R3HDM1: variants seen among roughly 807,000 people sequenced by gnomAD.
R3HDM1 encodes R3H domain-containing protein 1.
R3HDM1 carries 46 observed loss-of-function variants against 141.1 expected under a neutral mutation model. The observed-to-expected ratio is 0.33, with a 90% confidence interval of 0.26 to 0.42. The LOEUF is 0.42. R3HDM1 is among the 10% of genes least tolerant of loss of function. The probability of loss-of-function intolerance (pLI) is 1.00; values close to 1 mark genes in which losing one functional copy is unlikely to be tolerated. For synonymous variants in R3HDM1, 435 were observed against 472.9 expected, an observed-to-expected ratio of 0.92 and a Z score of 1.04; for missense variants, 1,184 against 1,368.3, an observed-to-expected ratio of 0.87 and a Z score of 2.12.
chr2:135,582,723 A>T (rs1707099244), intron 1 of R3HDM1, among the ~76,000 whole-genome samples: 1 of 152,202 alleles, frequency 6.6e-6, no homozygotes. Context: ...ACTTCAAATT[A>T]CAGTACTGTA....
chr2:135,532,178 G>A (rs1333899892), intron 1 of R3HDM1, among the ~76,000 whole-genome samples: 2 of 152,372 alleles, frequency 1.3e-5, no homozygotes, highest in East Asian at 3.9e-4. Context: ...AGAATTTTCA[G>A]CTTCGACCGG....
intron 20 of R3HDM1, among the ~76,000 whole-genome samples, chr2:135,676,627 A>G (rs967641653): frequency 2.0e-5 from 3 of 152,174 alleles, no homozygotes; most frequent in Admixed American, 6.5e-5. Context: ...CCTGGCCAAC[A>G]TAGTGAAACC....
At chr2:135,610,966 C>T (rs2105137321) in intron 3 of R3HDM1, among the ~76,000 whole-genome samples, 1 of 151,912 alleles carries the variant, frequency 6.6e-6, no homozygotes, top group South Asian at 2.1e-4. Context: ...AAAAATTATT[C>T]ATGCGTCACG....
Position 135,651,765 on chromosome 2 carries a change from T to A in R3HDM1, c.1761T>A (p.Ser587Arg). 6.2e-7 allele frequency: 1 copy of A among 1,613,842 alleles called. No homozygotes were observed. Among genetic ancestry groups the A allele is most frequent in the South Asian group, 1.1e-5 (1 of 90,982 alleles). ...DNLGSQFSHM[S>R]LARQPSADGS... is the part of the protein sequence containing the mutation. Reference sequence around the variant, plus strand: ...TAGGGTCTCAGTTTAGCCACATGAGTCTTGCTCGCCAGCCATCTGCTGATG... The same window carrying A: ...TAGGGTCTCAGTTTAGCCACATGAGACTTGCTCGCCAGCCATCTGCTGATG... Residue 587 changes from serine (S) to arginine (R), a missense_variant, in exon 18 of 27, where the codon AGT (serine) becomes AGA (arginine). By Grantham distance (110) the Ser-to-Arg change is moderately radical. Around this residue, in one of 5 missense-constraint regions of R3HDM1, gnomAD observed 563 missense variants for 562.0 expected, o/e 1.00. Transcript: ENST00000683871.
At chr2:135,603,886 C>T (rs1474346726) in intron 2 of R3HDM1, among the ~76,000 whole-genome samples, 4 of 152,296 alleles carry the variant, frequency 2.6e-5, no homozygotes, top group African/African-American at 7.2e-5. Flanking sequence ...GGATTACAGT[C>T]GTGACCCACC....
At position 135,717,938 on chromosome 2, in the gene R3HDM1, C is replaced by T. The variant is rs2076332673; in HGVS notation, c.2881+2244C>T. Among the ~76,000 whole-genome samples the T allele has an allele frequency of 2.0e-5, 3 of 152,204 alleles. No individual in the cohort carries two copies. The South Asian group carries it at 6.2e-4, about 31-fold the overall frequency. ...CTCAAACTGGACATGACCAACATGT[C>T]CATCAACAGGAGACTGGATACCCAA... On this transcript the variant is annotated intron_variant, in intron 24 of 26. Coordinates refer to ENST00000683871, the MANE Select transcript of R3HDM1 (RefSeq NM_001378107.1).
chr2:135,573,845 A>G (rs899169811), intron 1 of R3HDM1, among the ~76,000 whole-genome samples: 3 of 152,210 alleles, frequency 2.0e-5, no homozygotes, highest in Admixed American at 2.0e-4. Flanking sequence ...GGCACTGTTA[A>G]AATAGGAATC....
At chr2:135,580,053 G>A (rs973233796) in intron 1 of R3HDM1, among the ~76,000 whole-genome samples, 2 of 152,118 alleles carry the variant, frequency 1.3e-5, no homozygotes, top group African/African-American at 4.8e-5. Context: ...GAGCCCAGGA[G>A]TTCAAGACCA....
intron 1 of R3HDM1, among the ~76,000 whole-genome samples, chr2:135,534,649 C>G (rs1188620186): frequency 1.3e-5 from 2 of 152,274 alleles, no homozygotes; most frequent in East Asian, 3.9e-4. Flanking sequence ...TGCAAAATAA[C>G]GAGGTGAGGT....
At chr2:135,708,943 G>T (rs1390393813) in intron 21 of R3HDM1, among the ~76,000 whole-genome samples, 15 of 129,258 alleles carry the variant, frequency 1.2e-4, no homozygotes, top group Non-Finnish European at 2.2e-4. Context: ...TGGGTGACAG[G>T]GCAGAACTCT....
chr2:135,724,401 G>T lies in R3HDM1; in HGVS notation c.*109G>T. ...CATTATAGAGACTCCTAGGATGTGT[G>T]TTCATGGCATTATAGCTTTTGAAGA... On this transcript the variant is annotated 3_prime_UTR_variant, in exon 27 of 27. Transcript: ENST00000683871. 1 of 828,334 alleles carries T rather than the reference G, an allele frequency of 1.2e-6. No homozygotes were observed. The highest frequency in any genetic ancestry group is 1.9e-5 in the South Asian group (1 of 51,300). The allele number at this position is 828,334 out of a possible 1,614,324, so 51.3% of individuals were successfully genotyped here.
intron 16 of R3HDM1, among the ~76,000 whole-genome samples, chr2:135,646,748 C>T (rs536727278): frequency 1.4e-4 from 21 of 151,172 alleles, no homozygotes; most frequent in Non-Finnish European, 2.7e-4. Context: ...ACTCAGGAGG[C>T]TGAGGCAGGA....
At chr2:135,681,227 G>A (rs1316715107) in intron 21 of R3HDM1, among the ~76,000 whole-genome samples, 1 of 152,128 alleles carries the variant, frequency 6.6e-6, no homozygotes, top group Non-Finnish European at 1.5e-5. Context: ...TGGCATCCCT[G>A]TGTTACCAAG....
chr2:135,588,338 GTC>G (rs1040107839), intron 1 of R3HDM1, among the ~76,000 whole-genome samples: 28 of 151,410 alleles, frequency 1.8e-4, no homozygotes, highest in African/African-American at 6.6e-4. Flanking sequence ...ACCTCTTTCA[GTC>G]TCTCTGCCTC....
At position 135,565,449 on chromosome 2, in the gene R3HDM1, C is replaced by A. The variant is rs555233235; in HGVS notation, c.-250+33816C>A. ...TCAAGGAATCCTTCTGCCTTAGCCT[C>A]CTAAGTAACTGGGATGATAGGCACG... On this transcript the variant is annotated intron_variant, in intron 1 of 26. Transcript: ENST00000683871. Among the ~76,000 whole-genome samples, 5 of 151,112 alleles carry A rather than the reference C, an allele frequency of 3.3e-5. No homozygotes were observed. In the South Asian group the frequency reaches 1.0e-3, roughly 32 times the overall value.
intron 21 of R3HDM1, among the ~76,000 whole-genome samples, chr2:135,708,073 T>A (rs1354339244): frequency 6.6e-6 from 1 of 152,208 alleles, no homozygotes; most frequent in Non-Finnish European, 1.5e-5. Context: ...ATGTAATTAC[T>A]AATCTGTTTT....
At chr2:135,663,890 C>T (rs144530697) in intron 19 of R3HDM1, among the ~76,000 whole-genome samples, 1,819 of 151,976 alleles carry the variant, frequency 0.012, 29 homozygotes, top group African/African-American at 0.041. Flanking sequence ...AAAAATTAGC[C>T]GGGCATGGTG....
intron 1 of R3HDM1, among the ~76,000 whole-genome samples, chr2:135,564,214 T>TA (rs1418867662): frequency 2.6e-5 from 4 of 152,240 alleles, no homozygotes; most frequent in Non-Finnish European, 4.4e-5. Context: ...CAGTAAGTTA[T>TA]ATGCAGCTTC....
At chr2:135,574,053 AAC>A (rs891192313) in intron 1 of R3HDM1, among the ~76,000 whole-genome samples, 67 of 152,280 alleles carry the variant, frequency 4.4e-4, no homozygotes, top group African/African-American at 1.5e-3. Flanking sequence ...GGAATAGAAA[AAC>A]AAGACCTAAC....
Sources: allele counts gnomAD v4.1 joint callset (sites outside exome capture counted in the v4.1 genomes callset), GRCh38; gene constraint gnomAD v4.1.1; regional missense constraint gnomAD v4.1.1; transcripts MANE v1.5; gene names NCBI Gene and HGNC (gene_info 2026-07-23, HGNC 2026-07-21).